Variants in SNRK observed in about 807,000 individuals in gnomAD.
SNRK encodes the protein SNF-related serine/threonine-protein kinase.
A neutral mutation model predicts 48.2 loss-of-function variants in SNRK; 3 were observed. The ratio of observed to expected loss-of-function variants is 0.06; its 90% CI spans 0.03 to 0.16. The LOEUF is 0.16. Among genes scored for constraint, SNRK ranks in the 10% least tolerant of loss-of-function variants. The probability of loss-of-function intolerance (pLI) is 1.00; values close to 1 mark genes in which losing one functional copy is unlikely to be tolerated. For synonymous variants in SNRK, 376 were observed against 366.1 expected, an observed-to-expected ratio of 1.03 and a Z score of -0.31; for missense variants, 627 against 976.0, an observed-to-expected ratio of 0.64 and a Z score of 4.76.
intron 3 of SNRK, among the ~76,000 whole-genome samples, chr3:43,316,167 G>GT (rs1435166866): frequency 6.6e-6 from 1 of 152,162 alleles, no homozygotes. Flanking sequence ...TCATTTATAT[G>GT]TTTTTTATTT....
At chr3:43,309,484 C>T (rs2090962682) in intron 3 of SNRK, among the ~76,000 whole-genome samples, 1 of 152,112 alleles carries the variant, frequency 6.6e-6, no homozygotes, top group African/African-American at 2.4e-5. Flanking sequence ...TAAGAAATAG[C>T]CACAGCCATG....
Position 43,349,650 on chromosome 3 carries a change from G to C in SNRK, c.*1093G>C, listed in dbSNP as rs967687912. On this transcript the variant is annotated 3_prime_UTR_variant, in exon 7 of 7. Transcript: ENST00000296088. Reference sequence around the variant, plus strand: ...AACAAAAATGCACAAAGCCTGCTTCGTAACTTTTTTTTCTGGAATTGTTTT... The same window carrying C: ...AACAAAAATGCACAAAGCCTGCTTCCTAACTTTTTTTTCTGGAATTGTTTT... 7.0e-6 allele frequency: 1 copy of C among 143,624 alleles called. No homozygotes were observed. Among genetic ancestry groups the C allele is most frequent in the African/African-American group, 3.0e-5 (1 of 33,538 alleles). The allele number at this position is 143,624 out of a possible 1,614,324, so 8.9% of individuals were successfully genotyped here.
At chr3:43,343,183 A>AT in intron 5 of SNRK, 161 bp from the exon 6 acceptor site, 1 of 832,050 alleles carries the variant, frequency 1.2e-6, no homozygotes, top group Non-Finnish European at 1.8e-6. Context: ...AGTGACCTAA[A>AT]TAACTACTAG....
In SNRK at chr3:43,332,329, G is replaced by A. The variant is rs756234555; in HGVS notation, c.731+19G>A. 2 of 1,381,236 alleles carry A rather than the reference G, an allele frequency of 1.4e-6. No homozygotes were observed. The highest frequency in any genetic ancestry group is 2.8e-5 in the Admixed American group (1 of 36,342). 85.6% of individuals were successfully genotyped at this position (1,381,236 alleles called of 1,614,324 possible). A position where few individuals can be genotyped will look rare whatever the true frequency, so the allele number is the denominator to read the frequency against. Reference sequence around the variant, plus strand: ...GTAAAGAGTAAGTAAAACAAAGTATGTGGAAACCTTAAGGACTCAGATTAA... The same window carrying A: ...GTAAAGAGTAAGTAAAACAAAGTATATGGAAACCTTAAGGACTCAGATTAA... On this transcript the variant is annotated intron_variant, in intron 4 of 6. Coordinates refer to ENST00000296088, the MANE Select transcript of SNRK (RefSeq NM_017719.5).
chr3:43,321,272 A>T (rs971319306), intron 3 of SNRK, among the ~76,000 whole-genome samples: 10 of 152,330 alleles, frequency 6.6e-5, no homozygotes, highest in East Asian at 3.9e-4. Flanking sequence ...CAAAGGGGAC[A>T]GCTTTTCTTA....
intron 5 of SNRK, among the ~76,000 whole-genome samples, chr3:43,342,783 A>G (rs568666958): frequency 1.6e-4 from 24 of 152,360 alleles, no homozygotes; most frequent in African/African-American, 5.0e-4. Context: ...AAACGGATCA[A>G]TGACTACATT....
intron 1 of SNRK, among the ~76,000 whole-genome samples, chr3:43,296,436 A>ATG (rs1553632603): frequency 3.4e-5 from 5 of 145,450 alleles, no homozygotes; most frequent in African/African-American, 1.3e-4. Flanking sequence ...ATATATATGT[A>ATG]TATATATATA....
Position 43,303,026 on chromosome 3 carries a change from A to G in SNRK, c.-106-72A>G. 1 of 473,492 alleles carries G rather than the reference A, an allele frequency of 2.1e-6. No homozygotes were observed. Among genetic ancestry groups the G allele is most frequent in the Non-Finnish European group, 3.7e-6 (1 of 273,228 alleles). 29.3% of individuals were successfully genotyped at this position (473,492 alleles called of 1,614,324 possible). A position where few individuals can be genotyped will look rare whatever the true frequency, so the allele number is the denominator to read the frequency against. ...TTTCTCTTAAAATGAAAAAAACAAA[A>G]AATGAAGTGATTTTAAAGTTTGTGA... On this transcript the variant is annotated intron_variant, in intron 2 of 6. Transcript: ENST00000296088. The surrounding 1 kb of genome is among the most constrained non-coding windows in gnomAD (Gnocchi z 6.2).
At chr3:43,317,495 T>C (rs79403091) in intron 3 of SNRK, among the ~76,000 whole-genome samples, 11,983 of 152,286 alleles carry the variant, frequency 0.079, 592 homozygotes, top group African/African-American at 0.12. Flanking sequence ...TGGATCATAT[T>C]ATTCCTCTGC....
intron 3 of SNRK, among the ~76,000 whole-genome samples, chr3:43,315,624 T>C (rs1318648462): frequency 6.6e-6 from 1 of 152,216 alleles, no homozygotes; most frequent in Non-Finnish European, 1.5e-5. Context: ...AAAGGGATGA[T>C]TTGTGCCTCT....
At chr3:43,299,619 GACTGGGTT>G (rs1320456824) in intron 1 of SNRK, 127 bp from the exon 2 acceptor site, 3 of 152,672 alleles carry the variant, frequency 2.0e-5, no homozygotes, top group Non-Finnish European at 4.4e-5. Context: ...GATAATAGGA[GACTGGGTT>G]ACTAAAGACA....
intron 3 of SNRK, among the ~76,000 whole-genome samples, chr3:43,330,189 A>C (rs965665395): frequency 6.6e-6 from 1 of 152,188 alleles, no homozygotes; most frequent in Non-Finnish European, 1.5e-5. Flanking sequence ...TAGAAGAAAA[A>C]GTTTTTAACT....
intron 4 of SNRK, among the ~76,000 whole-genome samples, chr3:43,333,620 G>A (rs2091165164): frequency 6.6e-6 from 1 of 152,048 alleles, no homozygotes; most frequent in African/African-American, 2.4e-5. Flanking sequence ...TTGTCTGGGG[G>A]CATACGTTGT....
At chr3:43,311,415 G>A (rs756994377) in intron 3 of SNRK, among the ~76,000 whole-genome samples, 6 of 152,170 alleles carry the variant, frequency 3.9e-5, no homozygotes, top group Middle Eastern at 3.4e-3. Context: ...TGTTTCTGTC[G>A]TATCTAGGGA....
In SNRK at chr3:43,348,192, G is replaced by A. The variant is rs1050536145; in HGVS notation, c.1933G>A (p.Glu645Lys). The change falls in exon 7 of 7, where the codon GAG (glutamate) becomes AAG (lysine). Residue 645 changes from glutamate (E) to lysine (K), a missense_variant. Coordinates refer to ENST00000296088, the MANE Select transcript of SNRK (RefSeq NM_017719.5). ...LASRSAGELV[E>K]SLKLMSLCLG... is the part of the protein sequence containing the mutation. ...CTCTCGCAGTGCTGGGGAGCTCGTTGAGAGCCTCAAACTCATGAGCCTCTG... is the reference window on the plus strand; with the variant it reads ...CTCTCGCAGTGCTGGGGAGCTCGTTAAGAGCCTCAAACTCATGAGCCTCTG... 2 of 1,602,184 alleles carry A rather than the reference G, an allele frequency of 1.2e-6. No individual in the cohort carries two copies. Among genetic ancestry groups the A allele is most frequent in the Admixed American group, 3.4e-5 (2 of 58,096 alleles).
chr3:43,296,977 G>A (rs939694997), intron 1 of SNRK, among the ~76,000 whole-genome samples: 6 of 152,106 alleles, frequency 3.9e-5, no homozygotes, highest in Non-Finnish European at 7.4e-5. Context: ...TCAGACATAA[G>A]TTTTTATATT....
chr3:43,333,379 AAAAAAAAAGAACTTAGGTATTG>A (rs1399894920), intron 4 of SNRK: 2 of 149,638 alleles, frequency 1.3e-5, no homozygotes, highest in Admixed American at 6.7e-5. Context: ...AAAAAAAAAA[AAAAAAAAAGAACTTAGGTATTG>A]AAACTCTGGA....
chr3:43,323,280 T>C (rs951927898), intron 3 of SNRK, among the ~76,000 whole-genome samples: 2 of 152,254 alleles, frequency 1.3e-5, no homozygotes, highest in Non-Finnish European at 2.9e-5. Context: ...GGCAAAGATA[T>C]TTTGTACAGT....
chr3:43,340,601 A>C (rs1419609299), intron 5 of SNRK, 102 bp downstream of exon 5: 1 of 999,874 alleles, frequency 1.0e-6, no homozygotes, highest in African/African-American at 1.6e-5. Flanking sequence ...AATAGATAAG[A>C]GTTCCCAGTT....
Sources: allele counts gnomAD v4.1 joint callset (sites outside exome capture counted in the v4.1 genomes callset), GRCh38; gene constraint gnomAD v4.1.1; non-coding constraint Gnocchi (gnomAD v3.1); transcripts MANE v1.5; gene names NCBI Gene and HGNC (gene_info 2026-07-23, HGNC 2026-07-21).